Variants in GABRB3 observed in about 807,000 individuals in gnomAD.
GABRB3 encodes the protein gamma-aminobutyric acid type A receptor subunit beta3, also known as gamma-aminobutyric acid receptor subunit beta-3.
Under a neutral mutation model 52.1 loss-of-function variants are expected in GABRB3, and 14 were observed. The observed-to-expected ratio is 0.27, with a 90% CI of 0.18 to 0.42. The LOEUF is 0.42. Among genes scored for constraint, GABRB3 ranks in the 10% least tolerant of loss-of-function variants. GABRB3 has a pLI of 1.00. For missense variants in GABRB3, 307 were observed against 609.1 expected, an observed-to-expected ratio of 0.50 and a Z score of 5.22; for synonymous variants, 260 against 232.3, an observed-to-expected ratio of 1.12 and a Z score of -1.08.
intron 3 of GABRB3, among the ~76,000 whole-genome samples, chr15:26,674,476 G>A (rs1595523347): frequency 1.5e-5 from 2 of 135,846 alleles, no homozygotes; most frequent in Non-Finnish European, 1.6e-5. Flanking sequence ...AAGAAAGAAA[G>A]AAAGAGAGAG....
intron 3 of GABRB3, among the ~76,000 whole-genome samples, chr15:26,764,174 AAAAAAATATATATATATATATAT>A (rs1566834489): frequency 5.4e-4 from 7 of 13,052 alleles, no homozygotes; most frequent in African/African-American, 7.1e-4. Flanking sequence ...AAAAAAAAAA[AAAAAAATATATATATATATATAT>A]ATATATATAT....
chr15:26,721,298 T>G (rs1889637319), intron 3 of GABRB3, among the ~76,000 whole-genome samples: 2 of 152,150 alleles, frequency 1.3e-5, no homozygotes, highest in Admixed American at 1.3e-4. Context: ...AGTGGCCCTT[T>G]GGAAGGGAAA....
intron 3 of GABRB3, among the ~76,000 whole-genome samples, chr15:26,661,198 A>G (rs7171512): frequency 0.7 from 107,163 of 152,066 alleles, 38,807 homozygotes; most frequent in East Asian, 0.96. Context: ...CATGGTTCCT[A>G]ATCACCAGCT....
chr15:26,690,931 G>T (rs1193047247), intron 3 of GABRB3, among the ~76,000 whole-genome samples: 4 of 151,400 alleles, frequency 2.6e-5, no homozygotes, highest in Admixed American at 2.0e-4. Context: ...AAGAGTTCTG[G>T]CCAATCGCAT....
intron 3 of GABRB3, among the ~76,000 whole-genome samples, chr15:26,680,828 T>C (rs1328853677): frequency 6.6e-6 from 1 of 152,172 alleles, no homozygotes; most frequent in East Asian, 1.9e-4. Flanking sequence ...TGCTCCCTTT[T>C]TGAGGCCCCA....
intron 8 of GABRB3, 151 bp from the exon 9 acceptor site, chr15:26,548,285 A>G: frequency 1.4e-6 from 1 of 733,670 alleles, no homozygotes; most frequent in Non-Finnish European, 2.4e-6. Flanking sequence ...TTATTGGAAA[A>G]TGTCATTTTG....
chr15:26,711,982 G>A (rs1889312325), intron 3 of GABRB3, among the ~76,000 whole-genome samples: 1 of 152,142 alleles, frequency 6.6e-6, no homozygotes, highest in African/African-American at 2.4e-5. Context: ...AGAGAGCTTG[G>A]TGCAGATCAC....
intron 4 of GABRB3, among the ~76,000 whole-genome samples, chr15:26,602,908 T>C (rs113935984): frequency 0.097 from 14,695 of 151,444 alleles, 830 homozygotes; most frequent in Admixed American, 0.16. Flanking sequence ...AAAGAAATAA[T>C]AAAGATCAGA....
At chr15:26,763,054 A>G (rs746172771) in intron 3 of GABRB3, among the ~76,000 whole-genome samples, 14 of 152,224 alleles carry the variant, frequency 9.2e-5, no homozygotes, top group Non-Finnish European at 1.9e-4. Context: ...CCCCCTTTCT[A>G]GGATGCATAC....
At chr15:26,605,498 T>C (rs1891755700) in intron 4 of GABRB3, among the ~76,000 whole-genome samples, 1 of 152,176 alleles carries the variant, frequency 6.6e-6, no homozygotes, top group African/African-American at 2.4e-5. Context: ...ACAGCCAAGA[T>C]TTGGAGGCAA....
At chr15:26,638,377 G>A (rs1292160277) in intron 3 of GABRB3, among the ~76,000 whole-genome samples, 1 of 152,284 alleles carries the variant, frequency 6.6e-6, no homozygotes, top group East Asian at 1.9e-4. Context: ...AGGGCTCCCA[G>A]GATAGACGGC....
chr15:26,561,215 C>A, intron 7 of GABRB3, 39 bp from the exon 8 acceptor site: 1 of 1,610,706 alleles, frequency 6.2e-7, no homozygotes, highest in Non-Finnish European at 8.5e-7. Flanking sequence ...TGAAACTTTG[C>A]CACATTGGTC....
rs973221364 is a variant in GABRB3 at position 26,628,674 on chromosome 15, AAAAAAAAC to A, written c.241-7148_241-7141del. On this transcript the variant is annotated intron_variant, in intron 3 of 8. Transcript: ENST00000311550. ...ACTGACCCTACACAGCTATTTTCGC[AAAAAAAAC>A]AAAAAAACAAAAAAACAAAACAAAA... Among the ~76,000 whole-genome samples, 294 of 105,214 alleles carry A rather than the reference AAAAAAAAC, an allele frequency of 2.8e-3. 1 individual carries two copies. Among genetic ancestry groups the A allele is most frequent in the African/African-American group, 0.012 (275 of 22,574 alleles). 69.0% of individuals were successfully genotyped at this position (105,214 alleles called of 152,430 possible).
At chr15:26,772,018 C>G (rs780734639) in intron 3 of GABRB3, 3 of 213,330 alleles carry the variant, frequency 1.4e-5, no homozygotes, top group Non-Finnish European at 2.7e-5. Flanking sequence ...AGGAGCCACC[C>G]CCACATCTCG....
At chr15:26,769,101 GCAA>G (rs1282356211) in intron 3 of GABRB3, among the ~76,000 whole-genome samples, 5 of 152,166 alleles carry the variant, frequency 3.3e-5, no homozygotes, top group African/African-American at 4.8e-5. Context: ...AAAGCAAAAA[GCAA>G]CAACAGCATC....
intron 8 of GABRB3, 50 bp from the exon 9 acceptor site, chr15:26,548,184 C>T: frequency 7.1e-7 from 1 of 1,417,696 alleles, no homozygotes; most frequent in Non-Finnish European, 1.0e-6. Context: ...GCATAATTTC[C>T]CTATGCAGAT....
intron 3 of GABRB3, among the ~76,000 whole-genome samples, chr15:26,636,533 G>A (rs1476541105): frequency 6.6e-6 from 1 of 152,106 alleles, no homozygotes; most frequent in Non-Finnish European, 1.5e-5. Flanking sequence ...ACCAGACCCT[G>A]GTCTCTTCTC....
At chr15:26,563,965 C>T (rs971320240) in intron 7 of GABRB3, among the ~76,000 whole-genome samples, 2 of 152,002 alleles carry the variant, frequency 1.3e-5, no homozygotes, top group Non-Finnish European at 2.9e-5. Context: ...TTTGTTTCTC[C>T]TCCTCATGAT....
chr15:26,607,391 C>A (rs377602355), intron 4 of GABRB3, among the ~76,000 whole-genome samples: 3 of 152,120 alleles, frequency 2.0e-5, no homozygotes, highest in Middle Eastern at 3.4e-3. Flanking sequence ...AGCAACATAA[C>A]AAGGCCCATC....
Sources: allele counts gnomAD v4.1 joint callset (sites outside exome capture counted in the v4.1 genomes callset), GRCh38; gene constraint gnomAD v4.1.1; transcripts MANE v1.5; gene names NCBI Gene and HGNC (gene_info 2026-07-23, HGNC 2026-07-21).